The following GCN1 variants were observed in gnomAD, a reference collection of about 807,000 sequenced individuals.
The protein encoded by GCN1 is GCN1 activator of EIF2AK4.
Under a neutral mutation model 288.4 loss-of-function variants are expected in GCN1, and 90 were observed. The ratio of observed to expected loss-of-function variants is 0.31; its 90% CI spans 0.26 to 0.37. The LOEUF is 0.37. Ranked by LOEUF, GCN1 falls within the 10% of genes least tolerant of loss-of-function variation. The pLI is 1.00. For missense variants in GCN1, 2,586 were observed against 3,419.9 expected (o/e 0.76, Z 6.08); for synonymous variants, 1,386 against 1,420.2 (o/e 0.98, Z 0.54).
At chr12:120,169,696 GT>G (rs1878257221) in intron 15 of GCN1, among the ~76,000 whole-genome samples, 1 of 152,134 alleles carries the variant, frequency 6.6e-6, no homozygotes, top group Non-Finnish European at 1.5e-5. Context: ...TAAAGACGGG[GT>G]TTCACCATGT....
Position 120,148,199 on chromosome 12 carries a change from A to C in GCN1, c.4694T>G (p.Ile1565Ser). 1 of 1,613,890 alleles carries C rather than the reference A, an allele frequency of 6.2e-7. No individual in the cohort carries two copies. Among genetic ancestry groups the C allele is most frequent in the African/African-American group, 1.3e-5 (1 of 75,042 alleles). Residue 1565 changes from isoleucine to serine, a missense_variant, in exon 37 of 58, where the codon ATC (isoleucine) becomes AGC (serine). Transcript: ENST00000300648. The part of the protein sequence containing the change: ...QKAGQQALRQ[I>S]GSVIRNPEIL... The stretch of plus-strand genomic sequence containing the variant: ...CTCCGGGTTCCTGATAACGGAGCCG[A>C]TCTGCCTGAGCGCCTGCTGTCCAGC...
In GCN1 at chr12:120,134,295, T is replaced by C; in HGVS notation, c.7313A>G (p.Asp2438Gly). Residue 2438 changes from aspartate to glycine, a missense_variant, in exon 53 of 58, where the codon GAT (aspartate) becomes GGT (glycine). Transcript: ENST00000300648. This position sits in a 1 kb window ranked among gnomAD's most constrained non-coding sequence, Gnocchi z 5.0. ...TAGTCCTGCCTGCAGCCGTACCTCA[T>C]CGTGTCCCAGCATGCTCAGCAGGAG... is the stretch of plus-strand genomic sequence containing the variant. Reference protein sequence around the residue: ...VSLLLSMLGHDEDNTRISSAG... With the variant: ...VSLLLSMLGHGEDNTRISSAG... 1 of 1,610,720 alleles carries C rather than the reference T, an allele frequency of 6.2e-7. No individual in the cohort carries two copies. Among genetic ancestry groups the C allele is most frequent in the Non-Finnish European group, 8.5e-7 (1 of 1,177,070 alleles).
chr12:120,147,911 C>G (rs1294087106), intron 37 of GCN1, among the ~76,000 whole-genome samples: 1 of 152,174 alleles, frequency 6.6e-6, no homozygotes. Context: ...TTCACAGGTC[C>G]TAACATTTTG....
intron 1 of GCN1, among the ~76,000 whole-genome samples, chr12:120,193,642 CT>C (rs1317707293): frequency 2.0e-5 from 3 of 152,198 alleles, no homozygotes; most frequent in Non-Finnish European, 4.4e-5. Context: ...TTTTAACAAA[CT>C]TAAGCCATGT....
In GCN1 at chr12:120,158,262, G is replaced by A. The variant is rs1007981834; in HGVS notation, c.2905+198C>T. On this transcript the variant is annotated intron_variant, in intron 25 of 57. Transcript: ENST00000300648. This position sits in a 1 kb window ranked among gnomAD's most constrained non-coding sequence, Gnocchi z 4.3. ...TCCAGGATGTGAGAGTTAAAACAGA[G>A]ATGGGGACACCAGTGACAAAAAGTA... Among the ~76,000 whole-genome samples the A allele has an allele frequency of 6.6e-6, 1 of 152,344 alleles. No individual in the cohort carries two copies. Among genetic ancestry groups the A allele is most frequent in the Admixed American group, 6.5e-5 (1 of 15,306 alleles).
chr12:120,134,469 A>T lies in GCN1; in HGVS notation c.7202+64T>A. 1 of 1,595,052 alleles carries T rather than the reference A, an allele frequency of 6.3e-7. No individual in the cohort carries two copies. The highest frequency in any genetic ancestry group is 8.6e-7 in the Non-Finnish European group (1 of 1,163,242). ...CCACCACCACCCCTCCTGCCAGCGC[A>T]GGCTCGGCCCACAGCAACCCCTGGC... On this transcript the variant is annotated intron_variant, in intron 52 of 57. Transcript: ENST00000300648. This position sits in a 1 kb window ranked among gnomAD's most constrained non-coding sequence, Gnocchi z 5.0.
chr12:120,161,439 G>A, intron 22 of GCN1, 51 bp downstream of exon 22: 2 of 1,238,534 alleles, frequency 1.6e-6, no homozygotes, highest in Non-Finnish European at 2.4e-6. Flanking sequence ...CCACCAGCTT[G>A]AGGCCACCAA....
At chr12:120,164,992 T>TACACACACAC in intron 16 of GCN1, among the ~76,000 whole-genome samples, 1 of 126,366 alleles carries the variant, frequency 7.9e-6, no homozygotes, top group Middle Eastern at 3.9e-3. Flanking sequence ...TATACATATA[T>TACACACACAC]ACACATATAT....
chr12:120,192,527 A>G (rs1002375882), intron 1 of GCN1, among the ~76,000 whole-genome samples: 2 of 151,484 alleles, frequency 1.3e-5, no homozygotes, highest in African/African-American at 2.4e-5. Context: ...GGAGATCGAG[A>G]CCATCCTGGC....
At chr12:120,168,743 T>C (rs945671601) in intron 15 of GCN1, among the ~76,000 whole-genome samples, 5 of 145,336 alleles carry the variant, frequency 3.4e-5, no homozygotes, top group South Asian at 4.7e-4. Flanking sequence ...CTAAAAGCAA[T>C]CTCTCCTTCA....
intron 15 of GCN1, among the ~76,000 whole-genome samples, chr12:120,168,769 C>T (rs1280240082): frequency 2.6e-5 from 4 of 152,148 alleles, no homozygotes; most frequent in Non-Finnish European, 5.9e-5. Context: ...GCTCTAATGC[C>T]GCATTTTGTC....
chr12:120,174,798 A>G (rs1260361844), intron 12 of GCN1, among the ~76,000 whole-genome samples: 1 of 149,702 alleles, frequency 6.7e-6, no homozygotes, highest in Non-Finnish European at 1.5e-5. Flanking sequence ...TCAAAAAAAA[A>G]AAAAAAAAAA....
rs777739752 is a variant in GCN1 at position 120,170,295 on chromosome 12, A to G, written c.1393T>C (p.Leu465=). The change falls in exon 15 of 58, where the codon TTA becomes CTA. Residue 465 remains leucine (L), a synonymous_variant. Coordinates refer to ENST00000300648, the MANE Select transcript of GCN1 (RefSeq NM_006836.2). ...RGDTLLQALD[L]LPLLIQTVEK... is the part of the protein sequence containing the mutation. ...ACTGTCTGGATGAGCAAGGGCAGTA[A>G]GTCCAGGGCCTGCAACAGCGTGTCA... 6.2e-7 allele frequency: 1 copy of G among 1,614,182 alleles called. No homozygotes were observed. The highest frequency in any genetic ancestry group is 8.5e-7 in the Non-Finnish European group (1 of 1,180,016).
Position 120,137,873 on chromosome 12 carries a change from A to T in GCN1, c.6393+28T>A. The T allele has an allele frequency of 6.2e-7, 1 of 1,613,430 alleles. No homozygotes were observed. The highest frequency in any genetic ancestry group is 8.5e-7 in the Non-Finnish European group (1 of 1,179,380). Reference sequence around the variant, plus strand: ...GGATCCTCCGGGCAGACGGGACATGAGAAAGCAGGAGCAGGCTCGCCCCTT... The same window carrying T: ...GGATCCTCCGGGCAGACGGGACATGTGAAAGCAGGAGCAGGCTCGCCCCTT... On this transcript the variant is annotated intron_variant, in intron 48 of 57. Transcript: ENST00000300648. The surrounding 1 kb of genome is among the most constrained non-coding windows in gnomAD (Gnocchi z 5.2).
chr12:120,137,265 G>C lies in GCN1; in HGVS notation c.6718C>G (p.Arg2240Gly). ...CCTTTGCTCTCGTTCCCTATGAGCCGGATTTCCTTGTGCAGCTCTTCAATG... is the reference window on the plus strand; with the variant it reads ...CCTTTGCTCTCGTTCCCTATGAGCCCGATTTCCTTGTGCAGCTCTTCAATG... ...ALIEELHKEI[R>G]LIGNESKGEH... is the part of the protein sequence containing the mutation. Residue 2240 changes from arginine to glycine, a missense_variant, in exon 50 of 58, where the codon CGG becomes GGG. Physicochemically the swap from Arg to Gly is moderately radical, Grantham distance 125. Transcript: ENST00000300648. The surrounding 1 kb of genome is among the most constrained non-coding windows in gnomAD (Gnocchi z 5.2). 6.2e-7 allele frequency: 1 copy of C among 1,614,130 alleles called. No individual in the cohort carries two copies. Among genetic ancestry groups the C allele is most frequent in the African/African-American group, 1.3e-5 (1 of 75,026 alleles).
Position 120,144,987 on chromosome 12 carries a change from C to T in GCN1, c.5091G>A (p.Leu1697=), listed in dbSNP as rs749301607. 1.9e-6 allele frequency: 3 copies of T among 1,613,998 alleles called. No individual in the cohort carries two copies. Among genetic ancestry groups the T allele is most frequent in the South Asian group, 2.2e-5 (2 of 91,092 alleles). Residue 1697 remains leucine (L), a synonymous_variant, in exon 40 of 58, where the codon CTG becomes CTA. Transcript: ENST00000300648. This position sits in a 1 kb window ranked among gnomAD's most constrained non-coding sequence, Gnocchi z 4.7. The stretch of plus-strand genomic sequence containing the variant: ...AGGTCAGTGTCTCCATCAGCCACGG[C>T]AGCAAGTCCTCAAAGCACGACTCCC... ...GMGESCFEDL[L]PWLMETLTYE...
chr12:120,137,864 C>T lies in GCN1; in HGVS notation c.6393+37G>A, dbSNP rs757656980. On this transcript the variant is annotated intron_variant, in intron 48 of 57. Coordinates refer to ENST00000300648, the MANE Select transcript of GCN1 (RefSeq NM_006836.2). The surrounding 1 kb of genome is among the most constrained non-coding windows in gnomAD (Gnocchi z 5.2). Reference sequence around the variant, plus strand: ...GCTGAGCAGGGATCCTCCGGGCAGACGGGACATGAGAAAGCAGGAGCAGGC... The same window carrying T: ...GCTGAGCAGGGATCCTCCGGGCAGATGGGACATGAGAAAGCAGGAGCAGGC... 15 of 1,612,704 alleles carry T rather than the reference C, an allele frequency of 9.3e-6. No homozygotes were observed. Among genetic ancestry groups the T allele is most frequent in the East Asian group, 2.2e-5 (1 of 44,858 alleles).
chr12:120,153,879 G>A lies in GCN1; in HGVS notation c.3732C>T (p.Leu1244=), dbSNP rs766579530. 1 of 1,614,106 alleles carries A rather than the reference G, an allele frequency of 6.2e-7. No individual in the cohort carries two copies. The part of the protein sequence containing the change: ...RCGLALALNK[L]SQYLDSSQVK... ...CCTGAGAGCTGTCCAAATACTGGGA[G>A]AGCTTGTTGAGGGCCAACGCCAAGC... The change falls in exon 32 of 58, where the codon CTC becomes CTT. Residue 1244 remains leucine, a synonymous_variant. Transcript: ENST00000300648. This position sits in a 1 kb window ranked among gnomAD's most constrained non-coding sequence, Gnocchi z 4.4.
chr12:120,190,466 GGGGT>G, intron 1 of GCN1, 66 bp from the exon 2 acceptor site: 1 of 871,140 alleles, frequency 1.1e-6, no homozygotes. Context: ...TGTGTGTTGA[GGGGT>G]GGGTGTAGAA....
Sources: allele counts gnomAD v4.1 joint callset (sites outside exome capture counted in the v4.1 genomes callset), GRCh38; gene constraint gnomAD v4.1.1; non-coding constraint Gnocchi (gnomAD v3.1); transcripts MANE v1.5; gene names NCBI Gene and HGNC (gene_info 2026-07-23, HGNC 2026-07-21).